The following CACNA1B variants were observed in gnomAD, a reference collection of about 807,000 sequenced individuals.
The protein encoded by CACNA1B is voltage-dependent N-type calcium channel subunit alpha-1B.
In CACNA1B, 70 loss-of-function variants were observed where a neutral mutation model predicts 247.2. The ratio of observed to expected loss-of-function variants is 0.28; its 90% CI spans 0.23 to 0.35. The LOEUF is 0.35. Among genes scored for constraint, CACNA1B ranks in the 10% least tolerant of loss-of-function variants. The probability of loss-of-function intolerance (pLI) is 1.00; values close to 1 mark genes in which losing one functional copy is unlikely to be tolerated. For synonymous variants in CACNA1B, 1,231 were observed against 1,294.4 expected (o/e 0.95, Z 1.05); for missense variants, 2,367 against 3,197.4 (o/e 0.74, Z 6.26).
intron 36 of CACNA1B, among the ~76,000 whole-genome samples, chr9:138,081,054 C>T (rs192283296): frequency 6.6e-6 from 1 of 152,332 alleles, no homozygotes; most frequent in East Asian, 1.9e-4. Context: ...GAATCACTTT[C>T]CTGAGGCATT....
intron 5 of CACNA1B, among the ~76,000 whole-genome samples, chr9:137,916,970 G>A (rs890780096): frequency 1.3e-5 from 2 of 152,234 alleles, no homozygotes; most frequent in African/African-American, 4.8e-5. Context: ...AATGGGCTGT[G>A]AGCCCACCAT....
chr9:138,084,475 A>T (rs191148331), intron 36 of CACNA1B, among the ~76,000 whole-genome samples: 1 of 151,242 alleles, frequency 6.6e-6, no homozygotes. Context: ...AGTGCCCACA[A>T]TTACTGCTAA....
chr9:137,903,273 C>G (rs1957260263), intron 3 of CACNA1B, among the ~76,000 whole-genome samples: 2 of 152,172 alleles, frequency 1.3e-5, no homozygotes, highest in Admixed American at 1.3e-4. Context: ...GTAGTCCCAG[C>G]TACTCGGGAG....
intron 6 of CACNA1B, among the ~76,000 whole-genome samples, chr9:137,926,472 C>T (rs1191365097): frequency 1.3e-5 from 2 of 152,180 alleles, no homozygotes; most frequent in Admixed American, 6.5e-5. Context: ...TTAACTCTTA[C>T]GAAGAGTGCT....
chr9:138,052,249 C>CGTGTGTGTGCGTGTGT lies in CACNA1B; in HGVS notation c.3807+70_3807+71insCGTGTGTGTGTGTGTG, dbSNP rs1554752990. The CGTGTGTGTGCGTGTGT allele has an allele frequency of 1.3e-5, 10 of 779,322 alleles. No homozygotes were observed. The East Asian group carries it at 2.2e-4, about 17-fold the overall frequency. The allele number at this position is 779,322 out of a possible 1,614,324, so 48.3% of individuals were successfully genotyped here. A position where few individuals can be genotyped will look rare whatever the true frequency, so the allele number is the denominator to read the frequency against. The stretch of plus-strand genomic sequence containing the variant: ...GTGTGTGTGTGCGTGTGTGTGTGTG[C>CGTGTGTGTGCGTGTGT]GTGTGTGTGTGTGTATGCATGCAGT... On this transcript the variant is annotated intron_variant, in intron 25 of 46. Transcript: ENST00000371372. This position sits in a 1 kb window ranked among gnomAD's most constrained non-coding sequence, Gnocchi z 5.1.
chr9:138,112,129 G>GCA lies in CACNA1B; in HGVS notation c.5429-263_5429-262dup, dbSNP rs565535373. The stretch of plus-strand genomic sequence containing the variant: ...ACACGAACGTGCAGTGCACATGCAT[G>GCA]CACACACGTCGGACACACACGTGTG... On this transcript the variant is annotated intron_variant, in intron 39 of 46. Transcript: ENST00000371372. Among the ~76,000 whole-genome samples the GCA allele has an allele frequency of 5.3e-5, 8 of 152,304 alleles. No homozygotes were observed. In the East Asian group the frequency reaches 1.2e-3, roughly 22 times the overall value.
Position 138,058,273 on chromosome 9 carries a change from C to G in CACNA1B, c.4308+23C>G, listed in dbSNP as rs1006961597. 8 of 1,578,952 alleles carry G rather than the reference C, an allele frequency of 5.1e-6. No individual in the cohort carries two copies. Among genetic ancestry groups the G allele is most frequent in the Non-Finnish European group, 7.0e-6 (8 of 1,148,794 alleles). ...GAGGTAGGTGGACGCTCTGTGGAGT[C>G]TTGCAGTGGACAGCGTGGGCAGCGC... On this transcript the variant is annotated intron_variant, in intron 28 of 46. Coordinates refer to ENST00000371372, the MANE Select transcript of CACNA1B (RefSeq NM_000718.4). This position sits in a 1 kb window ranked among gnomAD's most constrained non-coding sequence, Gnocchi z 4.7.
intron 31 of CACNA1B, among the ~76,000 whole-genome samples, chr9:138,067,790 CAT>C (rs1348441920): frequency 6.6e-6 from 1 of 152,230 alleles, no homozygotes; most frequent in Non-Finnish European, 1.5e-5. Context: ...GAAAGTTGGA[CAT>C]GTGCATACAA....
chr9:137,894,454 A>T (rs897684642), intron 3 of CACNA1B, among the ~76,000 whole-genome samples: 1 of 151,866 alleles, frequency 6.6e-6, no homozygotes, highest in Non-Finnish European at 1.5e-5. Context: ...TCGCTCTGTC[A>T]TCCAGGCTGG....
intron 31 of CACNA1B, chr9:138,068,686 G>A (rs1960016409): frequency 7.8e-6 from 4 of 513,852 alleles, no homozygotes; most frequent in Non-Finnish European, 1.6e-5. Flanking sequence ...TTGGTGGGGA[G>A]GGGTGGTTTC....
rs575612521 is a variant in CACNA1B, at chr9:137,881,773, C to G, written c.391-971C>G. ...TCCACCCTGTTTGCTGCTTCCAGCT[C>G]GGCACTGGTAGGGCCTGGCTCTGCT... On this transcript the variant is annotated intron_variant, in intron 2 of 46. Transcript: ENST00000371372. This position sits in a 1 kb window ranked among gnomAD's most constrained non-coding sequence, Gnocchi z 4.3. Among the ~76,000 whole-genome samples the G allele has an allele frequency of 7.0e-4, 106 of 152,360 alleles. No homozygotes were observed. Among genetic ancestry groups the G allele is most frequent in the African/African-American group, 2.5e-3 (103 of 41,592 alleles).
chr9:137,930,126 A>G (rs1957592784), intron 6 of CACNA1B, among the ~76,000 whole-genome samples: 1 of 152,144 alleles, frequency 6.6e-6, no homozygotes, highest in Non-Finnish European at 1.5e-5. Flanking sequence ...GAGCCTATTC[A>G]TCACTTGTAT....
intron 32 of CACNA1B, 60 bp downstream of exon 32, chr9:138,069,823 T>A: frequency 1.3e-6 from 2 of 1,518,468 alleles, no homozygotes; most frequent in South Asian, 2.3e-5. Context: ...TCTGCTCCTC[T>A]CCTGCTCTCT....
In CACNA1B at chr9:137,881,207, C is replaced by T. The variant is rs1288931977; in HGVS notation, c.391-1537C>T. Among the ~76,000 whole-genome samples, 1 of 152,140 alleles carries T rather than the reference C, an allele frequency of 6.6e-6. No homozygotes were observed. Among genetic ancestry groups the T allele is most frequent in the Non-Finnish European group, 1.5e-5 (1 of 68,016 alleles). On this transcript the variant is annotated intron_variant, in intron 2 of 46. Coordinates refer to ENST00000371372, the MANE Select transcript of CACNA1B (RefSeq NM_000718.4). This position sits in a 1 kb window ranked among gnomAD's most constrained non-coding sequence, Gnocchi z 4.3. ...CCCCACCCCTTGGGAAAAGGGGTCCCTCCTAAACAAATCAGACCAGAAGGC... is the reference window on the plus strand; with the variant it reads ...CCCCACCCCTTGGGAAAAGGGGTCCTTCCTAAACAAATCAGACCAGAAGGC...
chr9:138,006,475 G>T (rs1958652141), intron 15 of CACNA1B, among the ~76,000 whole-genome samples: 2 of 152,144 alleles, frequency 1.3e-5, no homozygotes, highest in African/African-American at 2.4e-5. Context: ...CCTCGCCTCT[G>T]CCCACCTCCT....
Position 137,979,467 on chromosome 9 carries a change from T to A in CACNA1B, c.1656+3448T>A, listed in dbSNP as rs1238965673. ...ACCCTGTCTTGAAAGAAAGATCCCA[T>A]CAGTTTTGCCATAGTCTTTTAGTTA... On this transcript the variant is annotated intron_variant, in intron 12 of 46. Coordinates refer to ENST00000371372, the MANE Select transcript of CACNA1B (RefSeq NM_000718.4). Among the ~76,000 whole-genome samples the A allele has an allele frequency of 2.0e-5, 3 of 152,036 alleles. No individual in the cohort carries two copies. The East Asian group carries it at 5.8e-4, about 29-fold the overall frequency.
chr9:137,916,193 C>T (rs1957409038), intron 5 of CACNA1B, among the ~76,000 whole-genome samples: 1 of 151,972 alleles, frequency 6.6e-6, no homozygotes, highest in South Asian at 2.1e-4. Flanking sequence ...GTGCCACGCC[C>T]AGCTAATTTT....
intron 39 of CACNA1B, among the ~76,000 whole-genome samples, chr9:138,106,139 G>A (rs1010061248): frequency 2.0e-4 from 31 of 152,168 alleles, no homozygotes; most frequent in African/African-American, 6.3e-4. Context: ...GCCCTCCCTG[G>A]GGACGAGCCT....
chr9:137,923,576 G>A (rs1474499710), intron 6 of CACNA1B, among the ~76,000 whole-genome samples: 1 of 152,220 alleles, frequency 6.6e-6, no homozygotes, highest in Middle Eastern at 3.2e-3. Flanking sequence ...CCGTTCACCT[G>A]TGGAAGCTTC....
Sources: gnomAD v4.1 joint callset for allele counts (sites outside exome capture counted in the v4.1 genomes callset) on GRCh38, gnomAD v4.1.1 for gene constraint, Gnocchi (gnomAD v3.1) non-coding constraint, MANE v1.5 for transcripts, NCBI Gene and HGNC (gene_info 2026-07-23, HGNC 2026-07-21) for gene names.